GPD2: variants seen among roughly 807,000 people sequenced by gnomAD.
GPD2 encodes the protein glycerol-3-phosphate dehydrogenase, mitochondrial.
A neutral mutation model predicts 82.4 loss-of-function variants in GPD2; 54 were observed. The ratio of observed to expected loss-of-function variants is 0.66; its 90% CI spans 0.53 to 0.82. The LOEUF is 0.82. Among genes scored for constraint, GPD2 ranks in the 40% least tolerant of loss-of-function variants. The pLI is 0.00. For missense variants in GPD2, 748 were observed against 896.2 expected (o/e 0.83, Z 2.11); for synonymous variants, 288 against 306.1 (o/e 0.94, Z 0.62).
chr2:156,459,954 C>A (rs1682934558), intron 1 of GPD2, among the ~76,000 whole-genome samples: 1 of 152,034 alleles, frequency 6.6e-6, no homozygotes, highest in Non-Finnish European at 1.5e-5. Context: ...GAGGTCAGGC[C>A]TGAAGGTCAT....
chr2:156,474,055 A>T (rs1683422635), intron 1 of GPD2, among the ~76,000 whole-genome samples: 1 of 152,150 alleles, frequency 6.6e-6, no homozygotes, highest in Non-Finnish European at 1.5e-5. Flanking sequence ...TTTTAGAGAC[A>T]GAGTCTTGTT....
intron 4 of GPD2, among the ~76,000 whole-genome samples, chr2:156,512,017 C>T (rs1685014622): frequency 6.6e-6 from 1 of 152,104 alleles, no homozygotes; most frequent in Non-Finnish European, 1.5e-5. Flanking sequence ...TGTTTTTCTC[C>T]TATGCAAATA....
At position 156,513,654 on chromosome 2, in the gene GPD2, G is replaced by A. The variant is rs151058259; in HGVS notation, c.661+158G>A. On this transcript the variant is annotated intron_variant, in intron 6 of 16. Coordinates refer to ENST00000438166, the MANE Select transcript of GPD2 (RefSeq NM_000408.5). ...GCACATATTCACCATTTTCTCTAAC[G>A]GTGGCTGAAAAACTAACCATACCAT... is the stretch of plus-strand genomic sequence containing the variant. Among the ~76,000 whole-genome samples the A allele has an allele frequency of 3.1e-4, 47 of 151,942 alleles. No individual in the cohort carries two copies. The East Asian group carries it at 8.7e-3, about 28-fold the overall frequency.
At chr2:156,427,259 C>T in the GPD2 span, among the ~76,000 whole-genome samples, 1 of 152,190 alleles carries the variant, frequency 6.6e-6, no homozygotes, top group Non-Finnish European at 1.5e-5. Flanking sequence ...GAAATAAGTT[C>T]TGCTTGAAAG....
the GPD2 span, among the ~76,000 whole-genome samples, chr2:156,405,194 A>G: frequency 6.6e-6 from 1 of 152,330 alleles, no homozygotes; most frequent in South Asian, 2.1e-4. Context: ...CTAGGAATCT[A>G]CCTTACGTGC....
rs1558956324 is a variant in GPD2 at position 156,550,680 on chromosome 2, A to G, written c.905A>G (p.Asp302Gly). ...PFTDSVRKMD[D>G]KDAAAICQPS... ...ACGGACTCTGTGCGCAAAATGGATG[A>G]TAAAGACGCAGCAGCTATCTGCCAG... The change falls in exon 8 of 17, where the codon GAT becomes GGT. Residue 302 changes from aspartate to glycine, a missense_variant. By Grantham distance (94) the Asp-to-Gly change is moderately conservative (BLOSUM62 -1). Transcript: ENST00000438166. The G allele has an allele frequency of 6.2e-7, 1 of 1,613,910 alleles. No individual in the cohort carries two copies. Among genetic ancestry groups the G allele is most frequent in the East Asian group, 2.2e-5 (1 of 44,868 alleles).
chr2:156,538,820 CAA>C (rs34693625), intron 6 of GPD2, among the ~76,000 whole-genome samples: 3 of 109,920 alleles, frequency 2.7e-5, no homozygotes, highest in Non-Finnish European at 1.8e-5. Context: ...GACTGCATCT[CAA>C]AAAAAAAAAA....
At chr2:156,539,682 G>T (rs1686229880) in intron 6 of GPD2, among the ~76,000 whole-genome samples, 1 of 152,156 alleles carries the variant, frequency 6.6e-6, no homozygotes, top group Non-Finnish European at 1.5e-5. Context: ...CACCCCTGGG[G>T]CAGGTTGAGC....
At chr2:156,506,577 A>G (rs1038660077) in intron 3 of GPD2, among the ~76,000 whole-genome samples, 1 of 151,910 alleles carries the variant, frequency 6.6e-6, no homozygotes, top group Admixed American at 6.6e-5. Context: ...ACACTCTGTC[A>G]ATTTGGGAAA....
chr2:156,544,333 T>G (rs1228783483), intron 6 of GPD2, among the ~76,000 whole-genome samples: 1 of 152,182 alleles, frequency 6.6e-6, no homozygotes, highest in African/African-American at 2.4e-5. Flanking sequence ...AACATACAAG[T>G]GTTCTTTTGA....
At chr2:156,564,423 G>A (rs1687291188) in intron 9 of GPD2, among the ~76,000 whole-genome samples, 1 of 152,104 alleles carries the variant, frequency 6.6e-6, no homozygotes, top group African/African-American at 2.4e-5. Flanking sequence ...TTTCCACTGT[G>A]GGTAAATACG....
upstream of GPD2, among the ~76,000 whole-genome samples, chr2:156,430,318 C>T (rs1688303316): frequency 6.6e-6 from 1 of 151,930 alleles, no homozygotes; most frequent in Non-Finnish European, 1.5e-5. Context: ...CCTTAATTTC[C>T]CCATTTGGTG....
intron 1 of GPD2, among the ~76,000 whole-genome samples, chr2:156,452,115 G>A (rs1682625209): frequency 6.6e-6 from 1 of 151,886 alleles, no homozygotes; most frequent in African/African-American, 2.4e-5. Flanking sequence ...GACGATGGGT[G>A]GCCAGGCAGA....
intron 12 of GPD2, 148 bp from the exon 13 acceptor site, chr2:156,570,986 A>G (rs1687591277): frequency 1.5e-6 from 1 of 668,360 alleles, no homozygotes; most frequent in South Asian, 1.8e-5. Flanking sequence ...TGATGCCACT[A>G]TTTGTCTCAT....
chr2:156,553,045 C>T (rs1420394702), intron 8 of GPD2, among the ~76,000 whole-genome samples: 1 of 151,722 alleles, frequency 6.6e-6, no homozygotes, highest in Admixed American at 6.6e-5. Context: ...CCCGCCACCA[C>T]ACCCAGCTAA....
chr2:156,513,426 AT>A lies in GPD2; in HGVS notation c.592del (p.Ser198GlnfsTer16). ...TAAAAAGCAGTTATGTCCTCAGCAA[AT>A]CAAGAGCCCTTGAACATTTCCCAAT... ...CLKSSYVLSK[S>X]RALEHFPMLQ... On this transcript the variant is annotated frameshift_variant, in exon 6 of 17. Transcript: ENST00000438166. LOFTEE classifies it high-confidence loss of function. 6.2e-7 allele frequency: 1 copy of A among 1,613,060 alleles called. No homozygotes were observed. The highest frequency in any genetic ancestry group is 1.1e-5 in the South Asian group (1 of 91,048).
intron 1 of GPD2, among the ~76,000 whole-genome samples, chr2:156,443,880 AC>A (rs1037572199): frequency 3.5e-4 from 53 of 152,328 alleles, no homozygotes; most frequent in African/African-American, 1.3e-3. Context: ...AAGATGACTT[AC>A]AAAAATTACC....
intron 2 of GPD2, among the ~76,000 whole-genome samples, chr2:156,494,160 T>C (rs1048092180): frequency 1.1e-4 from 16 of 152,196 alleles, no homozygotes; most frequent in African/African-American, 3.4e-4. Context: ...TCAGAATTTG[T>C]AGCCTGATAA....
At chr2:156,411,058 T>C in the GPD2 span, among the ~76,000 whole-genome samples, 1 of 152,196 alleles carries the variant, frequency 6.6e-6, no homozygotes, top group Non-Finnish European at 1.5e-5. Flanking sequence ...ATACTACATA[T>C]AGTGTTTATA....
Sources: gnomAD v4.1 joint callset for allele counts (sites outside exome capture counted in the v4.1 genomes callset) on GRCh38, gnomAD v4.1.1 for gene constraint, MANE v1.5 for transcripts, NCBI Gene and HGNC (gene_info 2026-07-23, HGNC 2026-07-21) for gene names.